Variants in PRKCQ observed in about 807,000 individuals in gnomAD.
PRKCQ encodes the protein protein kinase C theta, also known as protein kinase C theta type.
Under a neutral mutation model 91.2 loss-of-function variants are expected in PRKCQ, and 41 were observed. That is an observed-to-expected ratio of 0.45 (90% CI 0.35 to 0.58). The LOEUF (loss-of-function observed/expected upper bound fraction) is 0.58. Ranked by LOEUF, PRKCQ falls within the 20% of genes least tolerant of loss-of-function variation. PRKCQ has a pLI of 0.00. For missense variants in PRKCQ, 673 were observed against 896.5 expected (o/e 0.75, Z 3.18); for synonymous variants, 307 against 316.9 (o/e 0.97, Z 0.33).
At chr10:6,491,992 T>G (rs535197042) in intron 7 of PRKCQ, among the ~76,000 whole-genome samples, 180 bp from the exon 8 acceptor site, 1 of 152,344 alleles carries the variant, frequency 6.6e-6, no homozygotes, top group East Asian at 1.9e-4. Context: ...GCAGGCAGCC[T>G]CAGCAACTGT....
chr10:6,556,801 T>A (rs1222205089), intron 1 of PRKCQ, among the ~76,000 whole-genome samples: 3 of 152,204 alleles, frequency 2.0e-5, no homozygotes, highest in African/African-American at 7.2e-5. Flanking sequence ...CTAAACGGGC[T>A]GTCCCACACT....
At chr10:6,468,773 C>T (rs1440809489) in intron 12 of PRKCQ, among the ~76,000 whole-genome samples, 6 of 152,162 alleles carry the variant, frequency 3.9e-5, no homozygotes, top group Non-Finnish European at 7.3e-5. Flanking sequence ...TACCATCACA[C>T]CTTTCAAAGT....
chr10:6,406,574 AAGAG>A, the PRKCQ span, among the ~76,000 whole-genome samples: 9 of 152,218 alleles, frequency 5.9e-5, no homozygotes, highest in African/African-American at 1.9e-4. Flanking sequence ...AAAAAGGAAA[AAGAG>A]AGTCACTTTC....
intron 4 of PRKCQ, among the ~76,000 whole-genome samples, chr10:6,506,199 C>A (rs1324134032): frequency 1.3e-5 from 2 of 152,156 alleles, no homozygotes; most frequent in African/African-American, 4.8e-5. Flanking sequence ...TTTCCCATCT[C>A]AGTAATTCTT....
chr10:6,411,676 A>G, the PRKCQ span, among the ~76,000 whole-genome samples: 1 of 152,210 alleles, frequency 6.6e-6, no homozygotes, highest in Non-Finnish European at 1.5e-5. Flanking sequence ...AGTAGTTGCA[A>G]CACAGACTGT....
At chr10:6,429,636 C>T (rs1833305656) in intron 17 of PRKCQ, among the ~76,000 whole-genome samples, 1 of 152,140 alleles carries the variant, frequency 6.6e-6, no homozygotes, top group African/African-American at 2.4e-5. Context: ...GCTGGCAAAC[C>T]CACAACTTTG....
chr10:6,408,046 GTTTTTTTTT>G, the PRKCQ span, among the ~76,000 whole-genome samples: 2 of 84,228 alleles, frequency 2.4e-5, no homozygotes, highest in African/African-American at 5.6e-5. Flanking sequence ...TCTTGTGTCA[GTTTTTTTTT>G]TTTTTTTTTT....
intron 1 of PRKCQ, among the ~76,000 whole-genome samples, chr10:6,555,790 A>G (rs1419508265): frequency 2.6e-5 from 4 of 152,172 alleles, no homozygotes; most frequent in Non-Finnish European, 4.4e-5. Flanking sequence ...TGGGCAGATC[A>G]CTTGAGATCA....
chr10:6,468,704 C>T (rs959741921), intron 12 of PRKCQ, among the ~76,000 whole-genome samples: 21 of 152,166 alleles, frequency 1.4e-4, no homozygotes, highest in African/African-American at 3.9e-4. Context: ...AGAATATTTG[C>T]AATCTCTGCA....
At chr10:6,400,630 A>G in the PRKCQ span, among the ~76,000 whole-genome samples, 1 of 40,944 alleles carries the variant, frequency 2.4e-5, no homozygotes, top group Non-Finnish European at 5.8e-5. Context: ...GCTTCCTTTC[A>G]GAAAAAAAAA....
chr10:6,428,773 G>C (rs1833258227), intron 17 of PRKCQ, among the ~76,000 whole-genome samples: 1 of 152,088 alleles, frequency 6.6e-6, no homozygotes, highest in Non-Finnish European at 1.5e-5. Context: ...GTGAGCGGAG[G>C]GATGGGAAGA....
chr10:6,401,648 C>A, the PRKCQ span, among the ~76,000 whole-genome samples: 1 of 152,064 alleles, frequency 6.6e-6, no homozygotes, highest in Non-Finnish European at 1.5e-5. Flanking sequence ...GATTGCGGGG[C>A]CAGGGCACTC....
At chr10:6,484,526 A>C (rs1836791863) in intron 10 of PRKCQ, among the ~76,000 whole-genome samples, 1 of 152,236 alleles carries the variant, frequency 6.6e-6, no homozygotes, top group African/African-American at 2.4e-5. Context: ...TTACATTTTT[A>C]AGTTGATTTG....
intron 15 of PRKCQ, among the ~76,000 whole-genome samples, chr10:6,447,179 C>G (rs34437065): frequency 6.6e-6 from 1 of 151,980 alleles, no homozygotes; most frequent in East Asian, 1.9e-4. Flanking sequence ...GAGGCCAAGG[C>G]GGGCGGATCA....
intron 2 of PRKCQ, among the ~76,000 whole-genome samples, chr10:6,514,474 T>G (rs1466482522): frequency 6.6e-6 from 1 of 152,216 alleles, no homozygotes; most frequent in Non-Finnish European, 1.5e-5. Flanking sequence ...TATTTGAACT[T>G]GATGAAACAT....
At chr10:6,421,368 C>T in the PRKCQ span, among the ~76,000 whole-genome samples, 2 of 152,058 alleles carry the variant, frequency 1.3e-5, no homozygotes, top group Non-Finnish European at 2.9e-5. The surrounding 1 kb of genome is among the most constrained non-coding windows in gnomAD (Gnocchi z 4.1). Context: ...ATCTGTGGTC[C>T]CAGCTACTTG....
chr10:6,563,818 A>G (rs1840723982), intron 1 of PRKCQ, among the ~76,000 whole-genome samples: 1 of 152,210 alleles, frequency 6.6e-6, no homozygotes, highest in Admixed American at 6.5e-5. Context: ...AAAGAGATGC[A>G]GAGCCTGCCC....
At chr10:6,452,639 AGCTGGAAGCATCAC>A (rs1455035243) in intron 15 of PRKCQ, among the ~76,000 whole-genome samples, 1 of 148,468 alleles carries the variant, frequency 6.7e-6, no homozygotes, top group Non-Finnish European at 1.5e-5. Flanking sequence ...AAAAGAACAA[AGCTGGAAGCATCAC>A]GCTACCTGAC....
Position 6,497,043 on chromosome 10 carries a change from C to T in PRKCQ, c.652G>A (p.Glu218Lys), listed in dbSNP as rs764498570. 3 of 1,612,222 alleles carry T rather than the reference C, an allele frequency of 1.9e-6. No individual in the cohort carries two copies. Among genetic ancestry groups the T allele is most frequent in the Non-Finnish European group, 2.5e-6 (3 of 1,179,642 alleles). ...KCTGSAINSR[E>K]TMFHKERFKI... ...GGAGTGTAAATACTCACCATGGTTT[C>T]TCGGCTATTGATAGCTGATCCTGTG... is the stretch of plus-strand genomic sequence containing the variant. Residue 218 changes from glutamate to lysine, a missense_variant, in exon 7 of 18, where the codon GAA becomes AAA. Physicochemically the swap from Glu to Lys is moderately conservative, Grantham distance 56 (BLOSUM62 1). Transcript: ENST00000263125. The surrounding 1 kb of genome is among the most constrained non-coding windows in gnomAD (Gnocchi z 4.5).
Sources: allele counts gnomAD v4.1 joint callset (sites outside exome capture counted in the v4.1 genomes callset), GRCh38; gene constraint gnomAD v4.1.1; non-coding constraint Gnocchi (gnomAD v3.1); transcripts MANE v1.5; gene names NCBI Gene and HGNC (gene_info 2026-07-23, HGNC 2026-07-21).